GPRC5B: variants seen among roughly 807,000 people sequenced by gnomAD.
The protein encoded by GPRC5B is G protein-coupled receptor class C group 5 member B.
In GPRC5B, 16 loss-of-function variants were observed where a neutral mutation model predicts 30.1. The observed-to-expected ratio is 0.53, with a 90% CI of 0.36 to 0.81. The LOEUF is 0.81. Ranked by LOEUF, GPRC5B falls within the 30% of genes least tolerant of loss-of-function variation. The pLI, the probability that GPRC5B is intolerant of heterozygous loss-of-function variation, is 0.01. For synonymous variants in GPRC5B, 241 were observed against 239.5 expected, an observed-to-expected ratio of 1.01 and a Z score of -0.06; for missense variants, 428 against 544.7, an observed-to-expected ratio of 0.79 and a Z score of 2.13.
intron 2 of GPRC5B, among the ~76,000 whole-genome samples, chr16:19,864,412 C>T (rs962877607): frequency 3.9e-5 from 6 of 152,264 alleles, no homozygotes; most frequent in African/African-American, 9.6e-5. Flanking sequence ...GGTGCTACAT[C>T]TCTCAGTGTA....
rs551697625 is a variant in GPRC5B at position 19,881,509 on chromosome 16, C to A, written c.-2+3218G>T. 2.2e-4 allele frequency among the ~76,000 whole-genome samples: 34 copies of A among 151,704 alleles called. 2 individuals carry two copies. In the South Asian group the frequency reaches 6.7e-3, roughly 30 times the overall value. On this transcript the variant is annotated intron_variant, in intron 1 of 3. Transcript: ENST00000300571. ...TTAAAAAGTCAATCATGGCCAGGCG[C>A]GGTGGCTCATGCCTGTAATCCCAGC...
Position 19,857,168 on chromosome 16 carries a change from A to G in GPRC5B, c.*3332T>C, listed in dbSNP as rs2056572630. 1.3e-5 allele frequency: 3 copies of G among 231,976 alleles called. No individual in the cohort carries two copies. The allele number at this position is 231,976 out of a possible 1,614,324, so 14.4% of individuals were successfully genotyped here. ...TTTTATGGGTAAACTTATTACCTTA[A>G]TATGTTCTGTGGTTTGCTGTTAACC... is the stretch of plus-strand genomic sequence containing the variant. On this transcript the variant is annotated 3_prime_UTR_variant, in exon 4 of 4. Transcript: ENST00000300571.
upstream of GPRC5B, chr16:19,884,901 T>G (rs2056838976): frequency 4.2e-6 from 4 of 961,688 alleles, no homozygotes; most frequent in South Asian, 4.7e-5. Context: ...CCCGCGCTGC[T>G]GCAGCGGCCG....
Position 19,871,821 on chromosome 16 carries a change from TTG to T in GPRC5B, c.1023_1024del (p.His341GlnfsTer31), listed in dbSNP as rs1567209504. On this transcript the variant is annotated frameshift_variant, in exon 2 of 4. Coordinates refer to ENST00000300571, the MANE Select transcript of GPRC5B (RefSeq NM_016235.3). LOFTEE classifies it high-confidence loss of function. ...CCGGGTGGTGCCCACTTTACCTGCATTGTGTTCATCCATGGAGAAGGCCTTGT... is the reference window on the plus strand; with the variant it reads ...CCGGGTGGTGCCCACTTTACCTGCATTGTTCATCCATGGAGAAGGCCTTGT... The T allele has an allele frequency of 1.2e-6, 2 of 1,612,118 alleles. No individual in the cohort carries two copies. Among genetic ancestry groups the T allele is most frequent in the Non-Finnish European group, 1.7e-6 (2 of 1,178,520 alleles).
chr16:19,864,980 T>C (rs1417888887), intron 2 of GPRC5B, among the ~76,000 whole-genome samples: 1 of 150,240 alleles, frequency 6.7e-6, no homozygotes, highest in Non-Finnish European at 1.5e-5. Flanking sequence ...ATACGGCTCA[T>C]TGCAGCCTCG....
intron 1 of GPRC5B, among the ~76,000 whole-genome samples, chr16:19,883,153 G>A (rs567305587): frequency 7.2e-5 from 11 of 152,270 alleles, no homozygotes; most frequent in African/African-American, 2.4e-4. Flanking sequence ...GGTTTTGTCC[G>A]TTTTATACAA....
chr16:19,860,580 C>A, intron 3 of GPRC5B, 36 bp from the exon 4 acceptor site: 1 of 1,447,994 alleles, frequency 6.9e-7, no homozygotes, highest in South Asian at 1.2e-5. Context: ...ACTGAGAACT[C>A]TGTGCTTTGC....
At chr16:19,865,812 G>A (rs2056661797) in intron 2 of GPRC5B, among the ~76,000 whole-genome samples, 1 of 152,204 alleles carries the variant, frequency 6.6e-6, no homozygotes. Flanking sequence ...GCACGCTGAA[G>A]AACGTCACTT....
At position 19,858,685 on chromosome 16, in the gene GPRC5B, C is replaced by A; in HGVS notation, c.*1815G>T. On this transcript the variant is annotated 3_prime_UTR_variant, in exon 4 of 4. Transcript: ENST00000300571. Reference sequence around the variant, plus strand: ...CAGGTCCTAGCTTCATTCCCTCCCACCCCTCCCCAGGACTCTTACGTTTTC... The same window carrying A: ...CAGGTCCTAGCTTCATTCCCTCCCAACCCTCCCCAGGACTCTTACGTTTTC... 1 of 480,424 alleles carries A rather than the reference C, an allele frequency of 2.1e-6. No homozygotes were observed. The highest frequency in any genetic ancestry group is 3.7e-6 in the Non-Finnish European group (1 of 270,574). The allele number at this position is 480,424 out of a possible 1,614,324, so 29.8% of individuals were successfully genotyped here.
At chr16:19,860,781 C>T (rs1002574107) in intron 3 of GPRC5B, among the ~76,000 whole-genome samples, 10 of 152,156 alleles carry the variant, frequency 6.6e-5, no homozygotes, top group Non-Finnish European at 1.5e-4. Context: ...AACTCATTCA[C>T]TTTCAGTCTT....
chr16:19,870,768 C>T (rs1478324481), intron 2 of GPRC5B, among the ~76,000 whole-genome samples: 10 of 152,034 alleles, frequency 6.6e-5, no homozygotes, highest in Admixed American at 2.6e-4. Flanking sequence ...GTAGAGAGTG[C>T]GGTGAACAGA....
At chr16:19,877,702 GTACTAT>G (rs1435864737) in intron 1 of GPRC5B, among the ~76,000 whole-genome samples, 2 of 152,200 alleles carry the variant, frequency 1.3e-5, no homozygotes, top group East Asian at 3.8e-4. Flanking sequence ...TATAAGGTAA[GTACTAT>G]TACTATCTCC....
At chr16:19,879,658 C>T (rs964928121) in intron 1 of GPRC5B, among the ~76,000 whole-genome samples, 2 of 152,092 alleles carry the variant, frequency 1.3e-5, no homozygotes, top group Non-Finnish European at 2.9e-5. Flanking sequence ...TCCCAGTTTC[C>T]GATAATGTCC....
chr16:19,885,318 A>G, upstream of GPRC5B: 1 of 1,239,470 alleles, frequency 8.1e-7, no homozygotes. This position sits in a 1 kb window ranked among gnomAD's most constrained non-coding sequence, Gnocchi z 5.3. Flanking sequence ...CACCAGGTCC[A>G]GGACGCAGAG....
At chr16:19,866,420 G>A (rs956700190) in intron 2 of GPRC5B, among the ~76,000 whole-genome samples, 5 of 151,982 alleles carry the variant, frequency 3.3e-5, no homozygotes, top group African/African-American at 1.2e-4. Flanking sequence ...GCAGTGACGC[G>A]ATCTCAGCTC....
chr16:19,885,580 C>A, upstream of GPRC5B: 2 of 1,063,116 alleles, frequency 1.9e-6, no homozygotes, highest in Non-Finnish European at 2.3e-6. This position sits in a 1 kb window ranked among gnomAD's most constrained non-coding sequence, Gnocchi z 5.3. Context: ...TCGCCACCAC[C>A]CCTACCGCAC....
chr16:19,857,285 C>G lies in GPRC5B; in HGVS notation c.*3215G>C, dbSNP rs2056573864. ...TGCACTGGGTTGTTTTGACAAGCTACCACACGTCTTAAGTAAATAGTAAAG... is the reference window on the plus strand; with the variant it reads ...TGCACTGGGTTGTTTTGACAAGCTAGCACACGTCTTAAGTAAATAGTAAAG... On this transcript the variant is annotated 3_prime_UTR_variant, in exon 4 of 4. Coordinates refer to ENST00000300571, the MANE Select transcript of GPRC5B (RefSeq NM_016235.3). 1 of 340,126 alleles carries G rather than the reference C, an allele frequency of 2.9e-6. No homozygotes were observed. Among genetic ancestry groups the G allele is most frequent in the South Asian group, 2.4e-5 (1 of 42,088 alleles). The allele number at this position is 340,126 out of a possible 1,614,324, so 21.1% of individuals were successfully genotyped here.
At chr16:19,885,323 G>A (rs182053290), upstream of GPRC5B, 220 of 1,229,126 alleles carry the variant, frequency 1.8e-4, 2 homozygotes, top group African/African-American at 1.8e-3. The surrounding 1 kb of genome is among the most constrained non-coding windows in gnomAD (Gnocchi z 5.3). Flanking sequence ...GGTCCAGGAC[G>A]CAGAGAGGAT....
chr16:19,858,478 G>A lies in GPRC5B; in HGVS notation c.*2022C>T, dbSNP rs978344936. On this transcript the variant is annotated 3_prime_UTR_variant, in exon 4 of 4. Transcript: ENST00000300571. ...AACTTAGAAAACGAACGTGTGAATT[G>A]CTCCATCGTGTGAATGGTATCAGAA... 4.4e-6 allele frequency: 3 copies of A among 688,144 alleles called. No homozygotes were observed. Among genetic ancestry groups the A allele is most frequent in the Non-Finnish European group, 7.9e-6 (3 of 378,328 alleles). 42.6% of individuals were successfully genotyped at this position (688,144 alleles called of 1,614,324 possible). A position where few individuals can be genotyped will look rare whatever the true frequency, so the allele number is the denominator to read the frequency against.
Sources: gnomAD v4.1 joint callset for allele counts (sites outside exome capture counted in the v4.1 genomes callset) on GRCh38, gnomAD v4.1.1 for gene constraint, Gnocchi (gnomAD v3.1) non-coding constraint, MANE v1.5 for transcripts, NCBI Gene and HGNC (gene_info 2026-07-23, HGNC 2026-07-21) for gene names.